The following SMG6 variants were observed in gnomAD, a reference collection of about 807,000 sequenced individuals.
The protein encoded by SMG6 is SMG6 nonsense mediated mRNA decay factor.
Under a neutral mutation model 142.2 loss-of-function variants are expected in SMG6, and 66 were observed. The observed-to-expected ratio is 0.46, with a 90% confidence interval of 0.38 to 0.57. The LOEUF (loss-of-function observed/expected upper bound fraction) is 0.57, where lower values mean the gene tolerates loss of function less well. Ranked by LOEUF, SMG6 falls within the 20% of genes least tolerant of loss-of-function variation. The pLI is 0.00. For missense variants in SMG6, 1,793 were observed against 1,832.0 expected, an observed-to-expected ratio of 0.98 and a Z score of 0.39; for synonymous variants, 779 against 702.4, an observed-to-expected ratio of 1.11 and a Z score of -1.72.
chr17:2,300,612 T>C lies in SMG6; in HGVS notation c.141A>G (p.Pro47=). 6.2e-7 allele frequency: 1 copy of C among 1,611,634 alleles called. No homozygotes were observed. Among genetic ancestry groups the C allele is most frequent in the Non-Finnish European group, 8.5e-7 (1 of 1,179,186 alleles). The part of the protein sequence containing the change: ...EARPRKDNRR[P]DLEIYKPGLS... ...GGCCAGGCTTATAGATTTCCAGATCTGGACGCCTGTTATCTTTGCGCGGCC... is the reference window on the plus strand; with the variant it reads ...GGCCAGGCTTATAGATTTCCAGATCCGGACGCCTGTTATCTTTGCGCGGCC... The change falls in exon 2 of 19, where the codon CCA becomes CCG. Residue 47 remains proline, a synonymous_variant. Transcript: ENST00000263073.
intron 10 of SMG6, among the ~76,000 whole-genome samples, chr17:2,208,752 G>A (rs1567684209): frequency 6.6e-6 from 1 of 152,328 alleles, no homozygotes; most frequent in East Asian, 1.9e-4. Flanking sequence ...CTCTTAAGAA[G>A]TTTAAAGAGG....
In SMG6 at chr17:2,172,841, C is replaced by A; in HGVS notation, c.3174G>T (p.Trp1058Cys). The A allele has an allele frequency of 1.2e-6, 2 of 1,614,130 alleles. No homozygotes were observed. The highest frequency in any genetic ancestry group is 8.5e-7 in the Non-Finnish European group (1 of 1,180,020). ...DLPSHVAVDV[W>C]STLADFCNIL... is the part of the protein sequence containing the mutation. ...TGTTACAGAAATCAGCCAGCGTCGACCATACATCCACAGCAACACTGTGAG... is the reference window on the plus strand; with the variant it reads ...TGTTACAGAAATCAGCCAGCGTCGAACATACATCCACAGCAACACTGTGAG... Residue 1058 changes from tryptophan (W) to cysteine (C), a missense_variant, in exon 13 of 19, where the codon TGG (tryptophan) becomes TGT (cysteine). Transcript: ENST00000263073.
chr17:2,228,868 A>G (rs1263155890), intron 10 of SMG6, among the ~76,000 whole-genome samples: 1 of 152,166 alleles, frequency 6.6e-6, no homozygotes, highest in Non-Finnish European at 1.5e-5. Flanking sequence ...CCTGGGTGGT[A>G]GTTACATGTG....
chr17:2,216,455 T>A (rs984921630), intron 10 of SMG6, among the ~76,000 whole-genome samples: 2 of 152,192 alleles, frequency 1.3e-5, no homozygotes, highest in East Asian at 3.8e-4. Context: ...GATGACTTCA[T>A]CATCATGGAA....
At chr17:2,231,209 A>G (rs186924864) in intron 10 of SMG6, among the ~76,000 whole-genome samples, 1 of 152,276 alleles carries the variant, frequency 6.6e-6, no homozygotes, top group Admixed American at 6.5e-5. Flanking sequence ...AGACAAGGAC[A>G]CTTCGGTTGC....
In SMG6 at chr17:2,297,925, T is replaced by C; in HGVS notation, c.1978A>G (p.Lys660Glu). Residue 660 changes from lysine to glutamate, a missense_variant, in exon 3 of 19, where the codon AAG (lysine) becomes GAG (glutamate). Lys to Glu is a moderately conservative substitution (Grantham distance 56). This residue lies in a region of SMG6 where 1,597 missense variants were observed against 1,584.6 expected (regional missense o/e 1.01). Transcript: ENST00000263073. ...TCTGGGTTCTCAACATTCGGATCCT[T>C]GACAAGTTGCCTGAACTTCTCAATC... ...QVIEKFRQLV[K>E]DPNVENPEQI... 3 of 1,613,324 alleles carry C rather than the reference T, an allele frequency of 1.9e-6. No individual in the cohort carries two copies. The highest frequency in any genetic ancestry group is 2.5e-6 in the Non-Finnish European group (3 of 1,180,022).
chr17:2,280,743 T>A, intron 8 of SMG6: 2 of 243,932 alleles, frequency 8.2e-6, no homozygotes, highest in Non-Finnish European at 1.3e-5. Flanking sequence ...TACAAGAATT[T>A]AAAGTTTTTA....
At chr17:2,222,075 T>C (rs952029867) in intron 10 of SMG6, among the ~76,000 whole-genome samples, 5 of 152,218 alleles carry the variant, frequency 3.3e-5, no homozygotes, top group African/African-American at 9.6e-5. Context: ...AACGCATGTT[T>C]ACTGAGAAGT....
Position 2,243,739 on chromosome 17 carries a change from G to A in SMG6, c.2723+919C>T, listed in dbSNP as rs970249798. The stretch of plus-strand genomic sequence containing the variant: ...TACGAAGTTATGACGGGAAGTGAAA[G>A]GGAAACATTGACAATAACTGGGGTA... On this transcript the variant is annotated intron_variant, in intron 9 of 18. Coordinates refer to ENST00000263073, the MANE Select transcript of SMG6 (RefSeq NM_017575.5). Among the ~76,000 whole-genome samples, 4 of 152,292 alleles carry A rather than the reference G, an allele frequency of 2.6e-5. No homozygotes were observed. In the East Asian group the frequency reaches 7.7e-4, roughly 29 times the overall value.
intron 13 of SMG6, among the ~76,000 whole-genome samples, chr17:2,109,376 G>A (rs1035537962): frequency 6.6e-6 from 1 of 152,070 alleles, no homozygotes; most frequent in African/African-American, 2.4e-5. Context: ...TGATTCTCGT[G>A]CCTCAGCCTC....
intron 15 of SMG6, 71 bp from the exon 16 acceptor site, chr17:2,069,002 A>ACTACGGTGTGTCAGCATCCTGCCC: frequency 1.3e-6 from 2 of 1,500,500 alleles, no homozygotes; most frequent in Non-Finnish European, 1.8e-6. Flanking sequence ...GGGCCCTGAC[A>ACTACGGTGTGTCAGCATCCTGCCC]CTACGGTGTG....
intron 18 of SMG6, chr17:2,063,331 C>T (rs896016843): frequency 2.6e-5 from 4 of 152,244 alleles, no homozygotes; most frequent in Non-Finnish European, 4.4e-5. Flanking sequence ...AATTCAACAT[C>T]GTTTACACAT....
chr17:2,115,561 T>C (rs2069480121), intron 13 of SMG6, among the ~76,000 whole-genome samples: 1 of 152,228 alleles, frequency 6.6e-6, no homozygotes, highest in Admixed American at 6.5e-5. Context: ...TCATCTGACT[T>C]ATGACATGGC....
chr17:2,154,487 CT>C (rs940185453), intron 13 of SMG6, among the ~76,000 whole-genome samples: 1 of 152,144 alleles, frequency 6.6e-6, no homozygotes, highest in African/African-American at 2.4e-5. Flanking sequence ...CAACTTTTTC[CT>C]TGTTGTAGAG....
intron 13 of SMG6, chr17:2,127,802 A>G: frequency 1.8e-6 from 1 of 550,984 alleles, no homozygotes; most frequent in Non-Finnish European, 3.6e-6. Context: ...CTCTTCTCCA[A>G]AGTAATCATA....
chr17:2,290,713 A>T (rs2075011632), intron 6 of SMG6, among the ~76,000 whole-genome samples: 1 of 152,252 alleles, frequency 6.6e-6, no homozygotes, highest in African/African-American at 2.4e-5. Context: ...CACCTGATAA[A>T]GGACTTGTAA....
At chr17:2,282,616 T>C (rs757486361) in intron 8 of SMG6, 31 bp downstream of exon 8, 7 of 1,605,518 alleles carry the variant, frequency 4.4e-6, no homozygotes, top group South Asian at 2.2e-5. Flanking sequence ...CTGAGCTAGT[T>C]TGGCTCATTG....
At chr17:2,275,023 A>G (rs1217541888) in intron 8 of SMG6, among the ~76,000 whole-genome samples, 1 of 146,456 alleles carries the variant, frequency 6.8e-6, no homozygotes, top group Non-Finnish European at 1.5e-5. Context: ...AAAAAAAAAA[A>G]TAGGCGTGAG....
At chr17:2,249,439 C>T (rs533178184) in intron 8 of SMG6, among the ~76,000 whole-genome samples, 1 of 152,118 alleles carries the variant, frequency 6.6e-6, no homozygotes, top group Non-Finnish European at 1.5e-5. Context: ...AGATTATAGG[C>T]GCATACCAAT....
Sources: allele counts gnomAD v4.1 joint callset (sites outside exome capture counted in the v4.1 genomes callset), GRCh38; gene constraint gnomAD v4.1.1; regional missense constraint gnomAD v4.1.1; transcripts MANE v1.5; gene names NCBI Gene and HGNC (gene_info 2026-07-23, HGNC 2026-07-21).